Variants in PPP6R2 observed in about 807,000 individuals in gnomAD.
PPP6R2 encodes the protein serine/threonine-protein phosphatase 6 regulatory subunit 2.
Under a neutral mutation model 100.2 loss-of-function variants are expected in PPP6R2, and 62 were observed. That is an observed-to-expected ratio of 0.62 (90% CI 0.50 to 0.76). The LOEUF (loss-of-function observed/expected upper bound fraction) is 0.76, where lower values mean the gene tolerates loss of function less well. Among genes scored for constraint, PPP6R2 ranks in the 30% least tolerant of loss-of-function variants. The pLI, the probability that PPP6R2 is intolerant of heterozygous loss-of-function variation, is 0.00. For synonymous variants in PPP6R2, 525 were observed against 514.7 expected, an observed-to-expected ratio of 1.02 and a Z score of -0.27; for missense variants, 1,142 against 1,276.3, an observed-to-expected ratio of 0.89 and a Z score of 1.60.
intron 2 of PPP6R2, among the ~76,000 whole-genome samples, chr22:50,389,431 ATAT>A (rs1482955339): frequency 6.6e-6 from 1 of 152,124 alleles, no homozygotes; most frequent in Non-Finnish European, 1.5e-5. Flanking sequence ...GAAGTATGTA[ATAT>A]TATGTTAGTA....
intron 3 of PPP6R2, among the ~76,000 whole-genome samples, chr22:50,401,836 G>A (rs533588561): frequency 1.5e-4 from 22 of 151,618 alleles, no homozygotes; most frequent in Admixed American, 2.0e-4. Context: ...GGGTTTCACC[G>A]TGTTAGCCAG....
intron 12 of PPP6R2, among the ~76,000 whole-genome samples, chr22:50,434,563 G>A (rs1255295199): frequency 1.3e-4 from 13 of 100,282 alleles, no homozygotes; most frequent in African/African-American, 5.6e-4. Flanking sequence ...CCGGGCATTT[G>A]CCCTGGAGGT....
At chr22:50,398,842 T>C (rs370267282) in intron 3 of PPP6R2, among the ~76,000 whole-genome samples, 23 of 152,342 alleles carry the variant, frequency 1.5e-4, no homozygotes, top group South Asian at 2.1e-4. Flanking sequence ...TGCAGCAGTG[T>C]TTACACCTAA....
chr22:50,438,909 C>T lies in PPP6R2; in HGVS notation c.2128+147C>T, dbSNP rs147774162. 40 of 900,914 alleles carry T rather than the reference C, an allele frequency of 4.4e-5. No homozygotes were observed. The African/African-American group carries it at 5.5e-4, about 12-fold the overall frequency. 55.8% of individuals were successfully genotyped at this position (900,914 alleles called of 1,614,324 possible). A position where few individuals can be genotyped will look rare whatever the true frequency, so the allele number is the denominator to read the frequency against. On this transcript the variant is annotated intron_variant, in intron 19 of 23. Coordinates refer to ENST00000612753, the MANE Select transcript of PPP6R2 (RefSeq NM_001242898.2). ...CCTGAATCCCCAGCTATTTCCCAGC[C>T]GTCCTGAGTAGGGGTCTGTGCTGCG...
chr22:50,374,837 G>A (rs918082793), intron 2 of PPP6R2, among the ~76,000 whole-genome samples: 5 of 150,230 alleles, frequency 3.3e-5, no homozygotes, highest in Middle Eastern at 3.4e-3. Flanking sequence ...TTGCTTGAAC[G>A]TGGGAGATGG....
chr22:50,436,837 A>G (rs2064393320), intron 14 of PPP6R2, 151 bp from the exon 15 acceptor site: 4 of 695,736 alleles, frequency 5.7e-6, no homozygotes, highest in Non-Finnish European at 1.0e-5. Flanking sequence ...CTCCTTACAC[A>G]GCACGGCCTC....
At chr22:50,416,624 CCTGGCCTACACTTTTTTTT>C (rs1284476427) in intron 6 of PPP6R2, among the ~76,000 whole-genome samples, 2 of 152,114 alleles carry the variant, frequency 1.3e-5, no homozygotes, top group East Asian at 3.9e-4. Context: ...AGCCACCATG[CCTGGCCTACACTTTTTTTT>C]CTTAACTGAA....
At chr22:50,435,978 G>A (rs1468201368) in intron 13 of PPP6R2, among the ~76,000 whole-genome samples, 1 of 152,230 alleles carries the variant, frequency 6.6e-6, no homozygotes, top group Non-Finnish European at 1.5e-5. Context: ...CTGAGTTTGG[G>A]CCTGTGAGGT....
chr22:50,435,247 G>A (rs893241614), intron 13 of PPP6R2, among the ~76,000 whole-genome samples, 166 bp downstream of exon 13: 4 of 152,202 alleles, frequency 2.6e-5, no homozygotes, highest in African/African-American at 7.2e-5. Context: ...ATCTCTCCTC[G>A]TGGGGGCCTG....
chr22:50,441,502 G>A (rs5770930), intron 22 of PPP6R2, among the ~76,000 whole-genome samples: 31,228 of 152,160 alleles, frequency 0.21, 3,528 homozygotes, highest in East Asian at 0.46. Context: ...CGCAGACCTC[G>A]CCTGCTGCTC....
At chr22:50,342,278 G>A (rs906756711), upstream of PPP6R2, among the ~76,000 whole-genome samples, 1 of 152,212 alleles carries the variant, frequency 6.6e-6, no homozygotes, top group Non-Finnish European at 1.5e-5. Context: ...CCCACTTCCT[G>A]GAAGTTCCCT....
At chr22:50,347,919 T>C (rs2044147640) in intron 1 of PPP6R2, among the ~76,000 whole-genome samples, 1 of 152,210 alleles carries the variant, frequency 6.6e-6, no homozygotes, top group Admixed American at 6.6e-5. Context: ...TAAAATGTTG[T>C]GGGTACACAA....
In PPP6R2 at chr22:50,439,820, G is replaced by A; in HGVS notation, c.2248G>A (p.Gly750Ser). The part of the protein sequence containing the change: ...AAGTSAPEEK[G>S]WAKFTDFQPF... ...TGGCACCTCAGCTCCAGAGGAGAAA[G>A]GCTGGGCCAAGTTCACTGACTTCCA... Residue 750 changes from glycine to serine, a missense_variant, in exon 20 of 24, where the codon GGC (glycine) becomes AGC (serine). By Grantham distance (56) the Gly-to-Ser change is moderately conservative (BLOSUM62 0). Around this residue, in one of 2 missense-constraint regions of PPP6R2, gnomAD observed 550 missense variants for 517.4 expected, o/e 1.06. Transcript: ENST00000612753. 4 of 1,613,818 alleles carry A rather than the reference G, an allele frequency of 2.5e-6. No individual in the cohort carries two copies. The highest frequency in any genetic ancestry group is 1.3e-5 in the African/African-American group (1 of 75,060).
rs751770595 is a variant in PPP6R2, at chr22:50,435,046, G to T, written c.1481G>T (p.Gly494Val). Residue 494 changes from glycine to valine, a missense_variant, in exon 13 of 24, where the codon GGC (glycine) becomes GTC (valine). This residue lies in a region of PPP6R2 where 592 missense variants were observed against 758.9 expected (regional missense o/e 0.78). Transcript: ENST00000612753. ...GCGGTGGTGCAGAACCTGGAGCGGG[G>T]CCCTGTGCAGACGCACATCAGCGAG... ...ANAVVQNLERGPVQTHISEVI... is the reference protein window; with the variant it reads ...ANAVVQNLERVPVQTHISEVI... The T allele has an allele frequency of 6.3e-7, 1 of 1,593,276 alleles. No individual in the cohort carries two copies. Among genetic ancestry groups the T allele is most frequent in the Non-Finnish European group, 8.6e-7 (1 of 1,168,704 alleles).
intron 3 of PPP6R2, among the ~76,000 whole-genome samples, chr22:50,401,634 C>T (rs1455230155): frequency 3.3e-5 from 5 of 151,506 alleles, no homozygotes; most frequent in Admixed American, 6.6e-5. Flanking sequence ...GCCTCAGCCT[C>T]CCTTTTTCTT....
At chr22:50,342,328 G>A (rs574734043), upstream of PPP6R2, among the ~76,000 whole-genome samples, 1 of 152,358 alleles carries the variant, frequency 6.6e-6, no homozygotes, top group East Asian at 1.9e-4. Context: ...AGGATGCTAG[G>A]GGAAAAGCTT....
chr22:50,376,095 A>G (rs7290471), intron 2 of PPP6R2, among the ~76,000 whole-genome samples: 78,050 of 151,510 alleles, frequency 0.52, 22,950 homozygotes, highest in African/African-American at 0.81. Context: ...TATTTTTTAA[A>G]GACAGTGATT....
the PPP6R2 span, among the ~76,000 whole-genome samples, chr22:50,331,934 T>G: frequency 3.3e-5 from 5 of 152,054 alleles, no homozygotes; most frequent in Non-Finnish European, 7.4e-5. Context: ...TTTATTTTAT[T>G]TTATTTATTT....
intron 2 of PPP6R2, among the ~76,000 whole-genome samples, chr22:50,381,568 A>G (rs1049168110): frequency 2.0e-5 from 3 of 152,210 alleles, no homozygotes; most frequent in African/African-American, 7.2e-5. Context: ...GCAAACTAGG[A>G]TAGGGATTAA....
Sources: gnomAD v4.1 joint callset for allele counts (sites outside exome capture counted in the v4.1 genomes callset) on GRCh38, gnomAD v4.1.1 for gene constraint, gnomAD v4.1.1 regional missense constraint, MANE v1.5 for transcripts, NCBI Gene and HGNC (gene_info 2026-07-23, HGNC 2026-07-21) for gene names.